Variants in CYFIP1 observed in about 807,000 individuals in gnomAD.
CYFIP1 encodes cytoplasmic FMR1 interacting protein 1, also known as cytoplasmic FMR1-interacting protein 1.
In CYFIP1, 58 loss-of-function variants were observed where a neutral mutation model predicts 163.5. The ratio of observed to expected loss-of-function variants is 0.35; its 90% CI spans 0.29 to 0.44. CYFIP1 has a LOEUF of 0.44. CYFIP1 is among the 20% of genes least tolerant of loss of function. CYFIP1 has a pLI of 1.00. For synonymous variants in CYFIP1, 663 were observed against 660.7 expected (o/e 1.00, Z -0.05); for missense variants, 1,338 against 1,653.8 (o/e 0.81, Z 3.31).
intron 1 of CYFIP1, among the ~76,000 whole-genome samples, chr15:22,958,910 A>G (rs74003066): frequency 0.03 from 4,543 of 152,276 alleles, 259 homozygotes; most frequent in African/African-American, 0.1. Flanking sequence ...AAAGGCAGAG[A>G]TGGGGCCCAG....
chr15:22,963,531 T>TAACATAACATAACATAA (rs2140212600), intron 1 of CYFIP1, among the ~76,000 whole-genome samples: 4 of 144,610 alleles, frequency 2.8e-5, no homozygotes, highest in Middle Eastern at 3.2e-3. Flanking sequence ...TAACATAACA[T>TAACATAACATAACATAA]AACATAACAT....
At chr15:22,932,117 T>C (rs1300732479) in intron 11 of CYFIP1, 106 bp downstream of exon 11, 1 of 728,284 alleles carries the variant, frequency 1.4e-6, no homozygotes, top group African/African-American at 1.8e-5. Flanking sequence ...CATATGATCG[T>C]ATCTGGTAGT....
intron 1 of CYFIP1, among the ~76,000 whole-genome samples, chr15:22,949,645 G>A (rs1049028588): frequency 5.9e-5 from 9 of 152,042 alleles, no homozygotes; most frequent in African/African-American, 2.2e-4. Context: ...TACATAACAA[G>A]TAAATTATAA....
rs112019833 is a variant in CYFIP1, at chr15:22,869,538, T to C, written c.*490A>G. 477 of 152,474 alleles carry C rather than the reference T, an allele frequency of 3.1e-3. 3 individuals are homozygous for C. The highest frequency in any genetic ancestry group is 0.011 in the African/African-American group (464 of 41,556). 9.4% of individuals were successfully genotyped at this position (152,474 alleles called of 1,614,324 possible). A position where few individuals can be genotyped will look rare whatever the true frequency, so the allele number is the denominator to read the frequency against. On this transcript the variant is annotated 3_prime_UTR_variant, in exon 31 of 31. Transcript: ENST00000617928. ...TAGATTTTGTCACAACTGGATTTAG[T>C]GGAAGCAGGGGAATCAAGTTCACTA...
chr15:22,944,518 C>G lies in CYFIP1; in HGVS notation c.387+40G>C, dbSNP rs771254470. Reference sequence around the variant, plus strand: ...GGTAGGAAGGGGTCAGCAACCCACCCCTCGGTGTTACACCCCCCCCAGATT... The same window carrying G: ...GGTAGGAAGGGGTCAGCAACCCACCGCTCGGTGTTACACCCCCCCCAGATT... On this transcript the variant is annotated intron_variant, in intron 5 of 30. Transcript: ENST00000617928. The G allele has an allele frequency of 6.4e-6, 9 of 1,398,798 alleles. No homozygotes were observed. In the Admixed American group the frequency reaches 1.0e-4, roughly 16 times the overall value. The allele number at this position is 1,398,798 out of a possible 1,614,324, so 86.6% of individuals were successfully genotyped here. A position where few individuals can be genotyped will look rare whatever the true frequency, so the allele number is the denominator to read the frequency against.
At chr15:22,928,624 C>T (rs2061436419) in intron 11 of CYFIP1, among the ~76,000 whole-genome samples, 3 of 152,086 alleles carry the variant, frequency 2.0e-5, no homozygotes, top group African/African-American at 7.2e-5. Flanking sequence ...AAGGGCAACA[C>T]ACAAGTCACG....
chr15:22,878,700 TAA>T lies in CYFIP1; in HGVS notation c.3042+1211_3042+1212del, dbSNP rs35977367. Among the ~76,000 whole-genome samples, 18 of 136,738 alleles carry T rather than the reference TAA, an allele frequency of 1.3e-4. No individual in the cohort carries two copies. In the East Asian group the frequency reaches 3.2e-3, roughly 24 times the overall value. 89.7% of individuals were successfully genotyped at this position (136,738 alleles called of 152,430 possible). On this transcript the variant is annotated intron_variant, in intron 26 of 30. Transcript: ENST00000617928. ...AAAAAAAAAAAAAAGTGCTAATCAT[TAA>T]AAAAAAAAAGGCTACATCCAAATTA...
chr15:22,979,697 C>A (rs1433088768), intron 1 of CYFIP1, among the ~76,000 whole-genome samples: 1 of 152,150 alleles, frequency 6.6e-6, no homozygotes, highest in Non-Finnish European at 1.5e-5. Context: ...GATGCTTGTG[C>A]GAAACAGTGC....
At chr15:22,934,284 T>A (rs1319678737) in intron 9 of CYFIP1, among the ~76,000 whole-genome samples, 2 of 144,248 alleles carry the variant, frequency 1.4e-5, no homozygotes, top group African/African-American at 5.2e-5. Flanking sequence ...CCTCCCAGGT[T>A]CACATCATTC....
chr15:22,954,261 C>T (rs1013595932), intron 1 of CYFIP1, among the ~76,000 whole-genome samples: 5 of 152,110 alleles, frequency 3.3e-5, no homozygotes, highest in Non-Finnish European at 7.4e-5. Context: ...GCCCCCTGAT[C>T]TCAGACTCCC....
rs564058902 is a variant in CYFIP1 at position 22,905,893 on chromosome 15, T to C, written c.2389-1988A>G. On this transcript the variant is annotated intron_variant, in intron 21 of 30. Coordinates refer to ENST00000617928, the MANE Select transcript of CYFIP1 (RefSeq NM_014608.6). ...TCCTGCCTCAGCCTCCCGAGTAAGC[T>C]GGGACTACAGGTGCCCGCCACCACA... Among the ~76,000 whole-genome samples the C allele has an allele frequency of 2.0e-5, 3 of 150,740 alleles. No homozygotes were observed. In the East Asian group the frequency reaches 6.0e-4, roughly 30 times the overall value.
At position 22,937,703 on chromosome 15, in the gene CYFIP1, A is replaced by G. The variant is rs574984189; in HGVS notation, c.796-495T>C. Among the ~76,000 whole-genome samples, 577 of 150,894 alleles carry G rather than the reference A, an allele frequency of 3.8e-3. 9 individuals are homozygous for G. Among genetic ancestry groups the G allele is most frequent in the African/African-American group, 0.013 (555 of 41,158 alleles). ...AACCTCTGCCTCCCAGGTTCAAGCG[A>G]TTCTCCTGCCTCAGCCTCCCAAGTA... is the stretch of plus-strand genomic sequence containing the variant. On this transcript the variant is annotated intron_variant, in intron 8 of 30. Transcript: ENST00000617928.
At chr15:22,939,356 G>C in intron 7 of CYFIP1, 36 bp from the exon 8 acceptor site, 1 of 1,614,006 alleles carries the variant, frequency 6.2e-7, no homozygotes, top group Non-Finnish European at 8.5e-7. Flanking sequence ...GCATGGGCCC[G>C]GCGCCCGGCC....
chr15:22,873,759 TG>T, intron 28 of CYFIP1, 30 bp from the exon 29 acceptor site: 1 of 1,574,850 alleles, frequency 6.3e-7, no homozygotes. Context: ...TGGAATGCCG[TG>T]GGCCTCCAGG....
At chr15:22,960,850 T>C (rs1328296556) in intron 1 of CYFIP1, among the ~76,000 whole-genome samples, 2 of 152,172 alleles carry the variant, frequency 1.3e-5, no homozygotes, top group African/African-American at 4.8e-5. Flanking sequence ...ACAATGTCTC[T>C]AAAGCTGCAG....
intron 11 of CYFIP1, among the ~76,000 whole-genome samples, chr15:22,928,772 A>G (rs1404375638): frequency 2.6e-5 from 4 of 152,180 alleles, no homozygotes; most frequent in Non-Finnish European, 4.4e-5. Flanking sequence ...CAAATATTTT[A>G]TATATTTAGG....
intron 13 of CYFIP1, among the ~76,000 whole-genome samples, chr15:22,920,093 CA>C (rs368116491): frequency 1.4e-5 from 2 of 143,526 alleles, no homozygotes; most frequent in Non-Finnish European, 3.1e-5. Context: ...TAAAAAAAAA[CA>C]AAAAACAAAC....
chr15:22,957,545 A>G (rs2062514948), intron 1 of CYFIP1, among the ~76,000 whole-genome samples: 2 of 152,194 alleles, frequency 1.3e-5, no homozygotes, highest in South Asian at 2.1e-4. Context: ...CTGAGGCAGG[A>G]GAATGGCGTG....
At chr15:22,881,813 A>T (rs374557446) in intron 25 of CYFIP1, 33 bp downstream of exon 25, 3 of 1,594,992 alleles carry the variant, frequency 1.9e-6, no homozygotes, top group Non-Finnish European at 2.6e-6. Context: ...CTCTCCACAG[A>T]CAGCACTGTG....
Sources: gnomAD v4.1 joint callset for allele counts (sites outside exome capture counted in the v4.1 genomes callset) on GRCh38, gnomAD v4.1.1 for gene constraint, MANE v1.5 for transcripts, NCBI Gene and HGNC (gene_info 2026-07-23, HGNC 2026-07-21) for gene names.